Variants in CPXM2 observed in about 807,000 individuals in gnomAD.
The protein encoded by CPXM2 is inactive carboxypeptidase-like protein X2.
A neutral mutation model predicts 86.1 loss-of-function variants in CPXM2; 66 were observed. That is an observed-to-expected ratio of 0.77 (90% CI 0.63 to 0.94). The LOEUF is 0.94. Ranked by LOEUF, CPXM2 falls within the 40% of genes least tolerant of loss-of-function variation. CPXM2 has a pLI of 0.00. For synonymous variants in CPXM2, 388 were observed against 400.2 expected (o/e 0.97, Z 0.36); for missense variants, 948 against 1,026.3 (o/e 0.92, Z 1.04).
chr10:123,847,027 T>C (rs1172830353), intron 3 of CPXM2, among the ~76,000 whole-genome samples: 1 of 152,050 alleles, frequency 6.6e-6, no homozygotes, highest in Non-Finnish European at 1.5e-5. Flanking sequence ...GCTCAGTAAG[T>C]AGGAAGCAAA....
At chr10:123,893,751 A>G (rs570306734), upstream of CPXM2, among the ~76,000 whole-genome samples, 105 of 151,370 alleles carry the variant, frequency 6.9e-4, no homozygotes, top group Middle Eastern at 6.8e-3. Context: ...ACGACAACAC[A>G]GTCTTTAGTG....
chr10:123,784,690 A>G (rs2134036855), intron 6 of CPXM2, among the ~76,000 whole-genome samples: 1 of 152,310 alleles, frequency 6.6e-6, no homozygotes, highest in Admixed American at 6.5e-5. Context: ...GAGACTTAAG[A>G]GCTCACTCCC....
intron 13 of CPXM2, among the ~76,000 whole-genome samples, chr10:123,753,274 G>C (rs1846123337): frequency 1.3e-5 from 2 of 152,174 alleles, no homozygotes; most frequent in Non-Finnish European, 2.9e-5. Context: ...GTGGGACACA[G>C]CATTTTCAGT....
At chr10:123,923,140 T>C (rs1945590588) in intron 2 of CPXM2, among the ~76,000 whole-genome samples, 2 of 152,100 alleles carry the variant, frequency 1.3e-5, no homozygotes, top group Non-Finnish European at 2.9e-5. Context: ...CCTGGGACAT[T>C]CTAAAAGACA....
At chr10:123,843,259 T>C (rs1322914591) in intron 3 of CPXM2, 3 of 455,434 alleles carry the variant, frequency 6.6e-6, no homozygotes, top group African/African-American at 6.0e-5. Flanking sequence ...GCTCCAAAAT[T>C]CTTTTGATCT....
At chr10:123,927,948 A>C in intron 2 of CPXM2, among the ~76,000 whole-genome samples, 1 of 151,890 alleles carries the variant, frequency 6.6e-6, no homozygotes, top group East Asian at 1.9e-4. Context: ...TTGCCCACCC[A>C]GGATCTGCAC....
At chr10:123,778,143 C>T (rs1390346417) in intron 7 of CPXM2, among the ~76,000 whole-genome samples, 1 of 152,214 alleles carries the variant, frequency 6.6e-6, no homozygotes, top group Admixed American at 6.5e-5. Flanking sequence ...TCATTATCTT[C>T]CTCGTACAAG....
chr10:123,798,153 A>C (rs1346193825), intron 5 of CPXM2, 27 bp from the exon 6 acceptor site: 1 of 1,566,528 alleles, frequency 6.4e-7, no homozygotes, highest in Non-Finnish European at 8.6e-7. Context: ...GAGAAAAGGA[A>C]AATCTTTTAG....
intron 4 of CPXM2, among the ~76,000 whole-genome samples, chr10:123,818,731 G>A (rs1847864172): frequency 6.6e-6 from 1 of 152,232 alleles, no homozygotes; most frequent in Admixed American, 6.5e-5. Context: ...TGGATTGATA[G>A]AATGGTGGAA....
At chr10:123,766,880 G>T (rs1846488776) in intron 10 of CPXM2, 93 bp downstream of exon 10, 1 of 1,026,492 alleles carries the variant, frequency 9.7e-7, no homozygotes, top group Non-Finnish European at 1.5e-6. Flanking sequence ...AAACAGTTTT[G>T]TCTCTTTCTT....
intron 3 of CPXM2, among the ~76,000 whole-genome samples, chr10:123,854,191 G>A (rs1046163801): frequency 1.1e-4 from 16 of 150,554 alleles, no homozygotes; most frequent in Non-Finnish European, 1.8e-4. Flanking sequence ...CACAGGCTCC[G>A]GGGGTGACTA....
chr10:123,925,780 T>C (rs1945617428), intron 2 of CPXM2, among the ~76,000 whole-genome samples: 1 of 152,164 alleles, frequency 6.6e-6, no homozygotes, highest in Non-Finnish European at 1.5e-5. Context: ...ATTCCACAAA[T>C]ATTTAGTGAC....
At chr10:123,845,147 A>G (rs953072269) in intron 3 of CPXM2, among the ~76,000 whole-genome samples, 1 of 152,006 alleles carries the variant, frequency 6.6e-6, no homozygotes, top group African/African-American at 2.4e-5. Flanking sequence ...TTTCTCTGAA[A>G]AGAAAGCAAA....
At chr10:123,793,304 A>G (rs892776795) in intron 6 of CPXM2, among the ~76,000 whole-genome samples, 5 of 151,900 alleles carry the variant, frequency 3.3e-5, no homozygotes, top group Admixed American at 1.3e-4. Flanking sequence ...CTCTACTAAA[A>G]ATACAAAAAA....
At chr10:123,867,533 T>C (rs1433118973) in intron 2 of CPXM2, among the ~76,000 whole-genome samples, 3 of 145,094 alleles carry the variant, frequency 2.1e-5, no homozygotes, top group Admixed American at 6.8e-5. Context: ...CTTTCTTTTT[T>C]TTTTTTTTTT....
intron 2 of CPXM2, among the ~76,000 whole-genome samples, chr10:123,876,814 T>C (rs1021459034): frequency 6.6e-6 from 1 of 152,244 alleles, no homozygotes; most frequent in Non-Finnish European, 1.5e-5. Context: ...TACTGTGTGC[T>C]GTGTGCTACA....
intron 2 of CPXM2, among the ~76,000 whole-genome samples, chr10:123,935,289 T>C (rs1945704730): frequency 6.6e-6 from 1 of 152,120 alleles, no homozygotes; most frequent in Non-Finnish European, 1.5e-5. Flanking sequence ...GCACTTTCAA[T>C]GAATAAAACC....
chr10:123,893,008 G>A (rs1254330178), upstream of CPXM2, among the ~76,000 whole-genome samples: 1 of 152,250 alleles, frequency 6.6e-6, no homozygotes, highest in Non-Finnish European at 1.5e-5. Flanking sequence ...GTGCTTTTAA[G>A]AGAGTGTGAA....
rs776815863 is a variant in CPXM2, at chr10:123,862,755, G to A, written c.404-32C>T. On this transcript the variant is annotated intron_variant, in intron 2 of 13. Transcript: ENST00000241305. ...AGGACAAATGCTTGTTAAAAACAAC[G>A]ACAGATGCTGAAAGGGATGAGTTTC... is the stretch of plus-strand genomic sequence containing the variant. The A allele has an allele frequency of 1.0e-4, 161 of 1,557,442 alleles. 1 individual carries two copies. Among genetic ancestry groups the A allele is most frequent in the South Asian group, 9.7e-4 (87 of 89,768 alleles).
Sources: allele counts gnomAD v4.1 joint callset (sites outside exome capture counted in the v4.1 genomes callset), GRCh38; gene constraint gnomAD v4.1.1; transcripts MANE v1.5; gene names NCBI Gene and HGNC (gene_info 2026-07-23, HGNC 2026-07-21).